Variants in MCM10 observed in about 807,000 individuals in gnomAD.
MCM10 encodes minichromosome maintenance 10 replication initiation factor.
Under a neutral mutation model 109.9 loss-of-function variants are expected in MCM10, and 91 were observed. That is an observed-to-expected ratio of 0.83 (90% confidence interval 0.70 to 0.99). The LOEUF (loss-of-function observed/expected upper bound fraction) is 0.99. Ranked by LOEUF, MCM10 falls within the 50% of genes least tolerant of loss-of-function variation. The pLI, the probability that MCM10 is intolerant of heterozygous loss-of-function variation, is 0.00. For synonymous variants in MCM10, 380 were observed against 387.2 expected (o/e 0.98, Z 0.22); for missense variants, 1,077 against 1,061.2 (o/e 1.01, Z -0.21).
chr10:13,182,818 A>T lies in MCM10; in HGVS notation c.931-115A>T. 2 of 747,628 alleles carry T rather than the reference A, an allele frequency of 2.7e-6. No individual in the cohort carries two copies. The highest frequency in any genetic ancestry group is 4.5e-5 in the South Asian group (2 of 44,852). 46.3% of individuals were successfully genotyped at this position (747,628 alleles called of 1,614,324 possible). ...ATACATATTTGAATAACAACAAAAA[A>T]ACTTGGATTTTATGGATTATAGGCA... On this transcript the variant is annotated intron_variant, in intron 7 of 19. Coordinates refer to ENST00000378714, the MANE Select transcript of MCM10 (RefSeq NM_018518.5). The surrounding 1 kb of genome is among the most constrained non-coding windows in gnomAD (Gnocchi z 4.2).
At chr10:13,184,274 TGA>T (rs1419919022) in intron 8 of MCM10, among the ~76,000 whole-genome samples, 1 of 152,188 alleles carries the variant, frequency 6.6e-6, no homozygotes, top group African/African-American at 2.4e-5. Flanking sequence ...ATTACAAGTG[TGA>T]GCCACCGTGC....
At chr10:13,198,268 G>A (rs1478544873) in intron 15 of MCM10, among the ~76,000 whole-genome samples, 7 of 152,016 alleles carry the variant, frequency 4.6e-5, no homozygotes, top group Non-Finnish European at 1.0e-4. Flanking sequence ...TTGGGAATAG[G>A]ATTGCTCATT....
chr10:13,167,947 G>A (rs1054896118), intron 2 of MCM10, among the ~76,000 whole-genome samples: 2 of 152,200 alleles, frequency 1.3e-5, no homozygotes, highest in African/African-American at 4.8e-5. Context: ...AGAACAAAGA[G>A]GCTGGGAGAT....
chr10:13,169,070 G>A (rs1455181073), intron 2 of MCM10, among the ~76,000 whole-genome samples: 1 of 152,214 alleles, frequency 6.6e-6, no homozygotes, highest in African/African-American at 2.4e-5. Context: ...TGTCAACCAC[G>A]TGTACAGTAA....
At position 13,175,680 on chromosome 10, in the gene MCM10, A is replaced by G. The variant is rs746814975; in HGVS notation, c.763A>G (p.Arg255Gly). Residue 255 changes from arginine to glycine, a missense_variant and splice_region_variant, in exon 6 of 20, where the codon AGG (arginine) becomes GGG (glycine). By Grantham distance (125) the Arg-to-Gly change is moderately radical (BLOSUM62 -2). Transcript: ENST00000378714. ...CVEAFSGLRL[R>G]RPRVSSTEMN... ...GGAAGCCTTCTCTGGTCTGCGGCTC[A>G]GGTCAGTAGCTAAACCATCTATTCA... 3 of 1,595,802 alleles carry G rather than the reference A, an allele frequency of 1.9e-6. No homozygotes were observed. The highest frequency in any genetic ancestry group is 2.6e-6 in the Non-Finnish European group (3 of 1,170,176).
chr10:13,164,870 G>A (rs1399642289), intron 2 of MCM10, among the ~76,000 whole-genome samples: 1 of 152,040 alleles, frequency 6.6e-6, no homozygotes, highest in Non-Finnish European at 1.5e-5. Flanking sequence ...ACCAGCCTGG[G>A]CAATAGAGTG....
intron 1 of MCM10, among the ~76,000 whole-genome samples, chr10:13,163,870 G>A (rs934663295): frequency 1.1e-4 from 17 of 152,146 alleles, no homozygotes; most frequent in African/African-American, 3.4e-4. Flanking sequence ...TCTCATCCAC[G>A]TAATCTAGTG....
chr10:13,174,134 A>ATTTT (rs139116646), intron 5 of MCM10, among the ~76,000 whole-genome samples: 3 of 75,146 alleles, frequency 4.0e-5, no homozygotes, highest in South Asian at 6.6e-4. Context: ...CTAGTTTTGG[A>ATTTT]TTTTTTTTTT....
At chr10:13,191,883 A>C (rs1234083526) in intron 11 of MCM10, among the ~76,000 whole-genome samples, 1 of 151,558 alleles carries the variant, frequency 6.6e-6, no homozygotes, top group African/African-American at 2.4e-5. Context: ...TTGGTCATAA[A>C]AACAAAAAAA....
rs1236499208 is a variant in MCM10, at chr10:13,209,588, T to C, written c.*278T>C. On this transcript the variant is annotated 3_prime_UTR_variant, in exon 20 of 20. Coordinates refer to ENST00000378714, the MANE Select transcript of MCM10 (RefSeq NM_018518.5). ...TTCACTGAAGTTTTTGCCCAAAAAT[T>C]GGAAGGTAAACAGAGAGCTATGTTT... 6.2e-6 allele frequency: 3 copies of C among 483,266 alleles called. No individual in the cohort carries two copies. The highest frequency in any genetic ancestry group is 7.4e-5 in the East Asian group (2 of 26,846). The allele number at this position is 483,266 out of a possible 1,614,324, so 29.9% of individuals were successfully genotyped here. A position where few individuals can be genotyped will look rare whatever the true frequency, so the allele number is the denominator to read the frequency against.
rs1339182322 is a variant in MCM10, at chr10:13,171,156, T to C, written c.242T>C (p.Met81Thr). 1.2e-6 allele frequency: 2 copies of C among 1,614,116 alleles called. No homozygotes were observed. Among genetic ancestry groups the C allele is most frequent in the African/African-American group, 1.3e-5 (1 of 74,952 alleles). Residue 81 changes from methionine to threonine, a missense_variant, in exon 3 of 20, where the codon ATG (methionine) becomes ACG (threonine). Transcript: ENST00000378714. ...AATCTGGCCACTCTCTTTGGAGATA[T>C]GGAGGACTTAACAGATGAAGAAGAA... ...KENLATLFGDMEDLTDEEEVP... is the reference protein window; with the variant it reads ...KENLATLFGDTEDLTDEEEVP...
intron 9 of MCM10, among the ~76,000 whole-genome samples, chr10:13,187,401 T>TG (rs1235257020): frequency 1.3e-5 from 2 of 152,268 alleles, no homozygotes; most frequent in Non-Finnish European, 2.9e-5. Flanking sequence ...CTTGGGTTGT[T>TG]GCCACATTTA....
At chr10:13,196,892 T>C (rs1051807241) in intron 14 of MCM10, among the ~76,000 whole-genome samples, 1 of 152,068 alleles carries the variant, frequency 6.6e-6, no homozygotes, top group Non-Finnish European at 1.5e-5. Flanking sequence ...CCTTCAAAGG[T>C]AGGTCAATGC....
chr10:13,209,295 G>A lies in MCM10; in HGVS notation c.2610G>A (p.Leu870=). The change falls in exon 20 of 20, where the codon CTG becomes CTA. Residue 870 remains leucine (L), a synonymous_variant. Coordinates refer to ENST00000378714, the MANE Select transcript of MCM10 (RefSeq NM_018518.5). Reference sequence around the variant, plus strand: ...GAGGAGAAGAACATGCTAAATTTCTGAACAGCCTTAAATAACCCGAACTTC... The same window carrying A: ...GAGGAGAAGAACATGCTAAATTTCTAAACAGCCTTAAATAACCCGAACTTC... ...LPRGEEHAKF[L]NSLK The A allele has an allele frequency of 6.2e-7, 1 of 1,613,660 alleles. No homozygotes were observed. Among genetic ancestry groups the A allele is most frequent in the Non-Finnish European group, 8.5e-7 (1 of 1,179,880 alleles).
chr10:13,193,464 T>C (rs1834375692), intron 13 of MCM10, among the ~76,000 whole-genome samples: 1 of 152,130 alleles, frequency 6.6e-6, no homozygotes, highest in Non-Finnish European at 1.5e-5. Context: ...CTCAGCCTTG[T>C]TTTACTAATA....
intron 17 of MCM10, among the ~76,000 whole-genome samples, chr10:13,203,535 G>A (rs1023798306): frequency 6.6e-6 from 1 of 152,230 alleles, no homozygotes; most frequent in Admixed American, 6.5e-5. Context: ...GAGGGCCATC[G>A]TCATGCCAGC....
At chr10:13,174,165 CAG>C (rs1223714877) in intron 5 of MCM10, among the ~76,000 whole-genome samples, 1 of 99,198 alleles carries the variant, frequency 1.0e-5, no homozygotes, top group Middle Eastern at 0.014. Context: ...TTTTTTGAGA[CAG>C]AGTCTCACTC....
intron 6 of MCM10, 68 bp from the exon 7 acceptor site, chr10:13,180,374 A>C (rs1834194351): frequency 7.0e-7 from 1 of 1,431,564 alleles, no homozygotes; most frequent in African/African-American, 1.4e-5. Flanking sequence ...CTCCCTTACC[A>C]CCTGCTAAGG....
intron 18 of MCM10, 47 bp downstream of exon 18, chr10:13,204,411 C>G: frequency 6.2e-7 from 1 of 1,604,318 alleles, no homozygotes; most frequent in Non-Finnish European, 8.5e-7. Flanking sequence ...GGATTTTCAT[C>G]TCTTTTTCCA....
Sources: gnomAD v4.1 joint callset for allele counts (sites outside exome capture counted in the v4.1 genomes callset) on GRCh38, gnomAD v4.1.1 for gene constraint, Gnocchi (gnomAD v3.1) non-coding constraint, MANE v1.5 for transcripts, NCBI Gene and HGNC (gene_info 2026-07-23, HGNC 2026-07-21) for gene names.